Variants in PTPN4 observed in about 807,000 individuals in gnomAD.
PTPN4 encodes the protein tyrosine-protein phosphatase non-receptor type 4.
A neutral mutation model predicts 135.5 loss-of-function variants in PTPN4; 49 were observed. That is an observed-to-expected ratio of 0.36 (90% CI 0.29 to 0.46). PTPN4 has a LOEUF of 0.46. Among genes scored for constraint, PTPN4 ranks in the 20% least tolerant of loss-of-function variants. The pLI is 1.00. For missense variants in PTPN4, 860 were observed against 1,101.0 expected (o/e 0.78, Z 3.10); for synonymous variants, 333 against 369.9 (o/e 0.90, Z 1.14).
In PTPN4 at chr2:119,977,527, A is replaced by G. The variant is rs899638672; in HGVS notation, c.*457A>G. ...AGATTTTATTTTTAAAATTTTAGCA[A>G]TATCGTTCTTAATATTAGCCAATAC... On this transcript the variant is annotated 3_prime_UTR_variant, in exon 27 of 27. Transcript: ENST00000263708. 6.5e-6 allele frequency: 1 copy of G among 153,116 alleles called. No homozygotes were observed. The highest frequency in any genetic ancestry group is 2.4e-5 in the African/African-American group (1 of 41,426). 9.5% of individuals were successfully genotyped at this position (153,116 alleles called of 1,614,324 possible).
intron 2 of PTPN4, among the ~76,000 whole-genome samples, chr2:119,845,360 A>C (rs1310961647): frequency 1.3e-5 from 2 of 150,242 alleles, no homozygotes; most frequent in Non-Finnish European, 3.0e-5. Context: ...TCTGGATCTG[A>C]TTTTTTCTTT....
At position 119,937,350 on chromosome 2, in the gene PTPN4, CT is replaced by C. The variant is rs976563056; in HGVS notation, c.1355+2399del. On this transcript the variant is annotated intron_variant, in intron 15 of 26. Coordinates refer to ENST00000263708, the MANE Select transcript of PTPN4 (RefSeq NM_002830.4). Reference sequence around the variant, plus strand: ...TTTTTTTAAGGTTTTTCACATATACCTTTTTTTAATTGTCAGATAAAATCAT... The same window carrying C: ...TTTTTTTAAGGTTTTTCACATATACCTTTTTTAATTGTCAGATAAAATCAT... Among the ~76,000 whole-genome samples, 11 of 151,896 alleles carry C rather than the reference CT, an allele frequency of 7.2e-5. 1 individual carries two copies. The highest frequency in any genetic ancestry group is 6.6e-4 in the Admixed American group (10 of 15,232).
At chr2:119,933,356 A>G (rs72840406) in intron 14 of PTPN4, among the ~76,000 whole-genome samples, 3,665 of 152,282 alleles carry the variant, frequency 0.024, 66 homozygotes, top group Non-Finnish European at 0.033. Context: ...AATGTTTTAC[A>G]CACATTAATG....
intron 23 of PTPN4, among the ~76,000 whole-genome samples, chr2:119,961,211 C>T (rs547672094): frequency 6.5e-5 from 3 of 45,904 alleles, no homozygotes; most frequent in Admixed American, 3.1e-4. Context: ...TTGTGTCTAA[C>T]GTATATACAG....
chr2:119,881,053 C>T (rs1574385237), intron 5 of PTPN4, among the ~76,000 whole-genome samples: 1 of 152,148 alleles, frequency 6.6e-6, no homozygotes, highest in Admixed American at 6.5e-5. Context: ...CACCCCTATA[C>T]AACACAGGTG....
At chr2:119,760,915 A>T (rs1690480290) in intron 1 of PTPN4, among the ~76,000 whole-genome samples, 1 of 149,312 alleles carries the variant, frequency 6.7e-6, no homozygotes, top group African/African-American at 2.5e-5. Context: ...GTAAACAGTG[A>T]TGCATTTCGC....
chr2:119,904,612 A>G (rs1678457892), intron 10 of PTPN4, among the ~76,000 whole-genome samples: 1 of 152,338 alleles, frequency 6.6e-6, no homozygotes, highest in Admixed American at 6.5e-5. Context: ...TCAAATTTTT[A>G]AAAATCAGAG....
chr2:119,976,530 T>C (rs1254654035), intron 26 of PTPN4, among the ~76,000 whole-genome samples: 1 of 152,190 alleles, frequency 6.6e-6, no homozygotes, highest in Non-Finnish European at 1.5e-5. Flanking sequence ...TTTGAGAATG[T>C]ACAGTAGTCA....
At chr2:119,790,945 A>G (rs1032743071) in intron 1 of PTPN4, among the ~76,000 whole-genome samples, 1 of 152,130 alleles carries the variant, frequency 6.6e-6, no homozygotes, top group Admixed American at 6.5e-5. Flanking sequence ...TTGCTCCTAT[A>G]TAGCACATCC....
At chr2:119,768,847 C>T (rs1690685413) in intron 1 of PTPN4, among the ~76,000 whole-genome samples, 2 of 152,250 alleles carry the variant, frequency 1.3e-5, no homozygotes, top group South Asian at 4.2e-4. Context: ...AGGTGCTATT[C>T]CCAGTTTTAA....
chr2:119,882,221 T>C (rs1678090953), intron 7 of PTPN4, 72 bp downstream of exon 7: 6 of 1,395,384 alleles, frequency 4.3e-6, no homozygotes, highest in East Asian at 4.6e-5. Flanking sequence ...TTGGCTTCAA[T>C]GTGGGAGTTC....
At chr2:119,789,888 A>C (rs575518050) in intron 1 of PTPN4, among the ~76,000 whole-genome samples, 157 of 151,542 alleles carry the variant, frequency 1.0e-3, no homozygotes, top group Non-Finnish European at 1.6e-3. Flanking sequence ...ATGCTCAGCT[A>C]ATTTTTTTTT....
Position 119,765,140 on chromosome 2 carries a change from A to G in PTPN4, c.-18+4756A>G, listed in dbSNP as rs118123121. On this transcript the variant is annotated intron_variant, in intron 1 of 26. Coordinates refer to ENST00000263708, the MANE Select transcript of PTPN4 (RefSeq NM_002830.4). ...TGAATTGTGGGGATTAAGATACTAT[A>G]TGTAAGGCATCTAGCGCTGTGCTTT... is the stretch of plus-strand genomic sequence containing the variant. 6.6e-5 allele frequency among the ~76,000 whole-genome samples: 10 copies of G among 152,322 alleles called. No homozygotes were observed. In the South Asian group the frequency reaches 1.0e-3, roughly 16 times the overall value.
In PTPN4 at chr2:119,867,970, T is replaced by C. The variant is rs1160883343; in HGVS notation, c.246+5327T>C. On this transcript the variant is annotated intron_variant, in intron 3 of 26. Coordinates refer to ENST00000263708, the MANE Select transcript of PTPN4 (RefSeq NM_002830.4). ...CCAGCAGGGCAAAGATGAATAGAAGTGATAGGCGCAGACTACCTTGTCTTG... is the reference window on the plus strand; with the variant it reads ...CCAGCAGGGCAAAGATGAATAGAAGCGATAGGCGCAGACTACCTTGTCTTG... Among the ~76,000 whole-genome samples, 3 of 152,342 alleles carry C rather than the reference T, an allele frequency of 2.0e-5. No homozygotes were observed. The East Asian group carries it at 5.8e-4, about 29-fold the overall frequency.
At chr2:119,794,493 C>T (rs945964363) in intron 1 of PTPN4, among the ~76,000 whole-genome samples, 1 of 152,142 alleles carries the variant, frequency 6.6e-6, no homozygotes, top group Non-Finnish European at 1.5e-5. Context: ...CTCCAGGTGT[C>T]GGCATGGGTG....
At chr2:119,974,938 T>A (rs1485275707) in intron 26 of PTPN4, among the ~76,000 whole-genome samples, 1 of 152,204 alleles carries the variant, frequency 6.6e-6, no homozygotes, top group African/African-American at 2.4e-5. Context: ...AATGAAAGAC[T>A]TAGAATATCA....
intron 1 of PTPN4, among the ~76,000 whole-genome samples, chr2:119,784,034 G>A (rs764160658): frequency 1.3e-5 from 2 of 152,074 alleles, no homozygotes; most frequent in African/African-American, 4.8e-5. Context: ...ACTTATGTAT[G>A]GTTTCTCTAT....
At chr2:119,932,362 T>G in intron 13 of PTPN4, 62 bp from the exon 14 acceptor site, 1 of 1,411,478 alleles carries the variant, frequency 7.1e-7, no homozygotes, top group Non-Finnish European at 9.5e-7. Context: ...TTGTAGGATT[T>G]GATTCATGGT....
chr2:119,932,706 C>T (rs941834320), intron 14 of PTPN4, among the ~76,000 whole-genome samples, 157 bp downstream of exon 14: 6 of 152,144 alleles, frequency 3.9e-5, no homozygotes, highest in African/African-American at 9.7e-5. Context: ...TTCTCTTTGC[C>T]TGCTGCTCTT....
Sources: allele counts gnomAD v4.1 joint callset (sites outside exome capture counted in the v4.1 genomes callset), GRCh38; gene constraint gnomAD v4.1.1; transcripts MANE v1.5; gene names NCBI Gene and HGNC (gene_info 2026-07-23, HGNC 2026-07-21).